The following SYT1 variants were observed in gnomAD, a reference collection of about 807,000 sequenced individuals.
SYT1 encodes the protein synaptotagmin 1, also known as synaptotagmin-1.
A neutral mutation model predicts 44.8 loss-of-function variants in SYT1; 8 were observed. The observed-to-expected ratio is 0.18, with a 90% confidence interval of 0.10 to 0.32. The LOEUF is 0.32. SYT1 is among the 10% of genes least tolerant of loss of function. SYT1 has a pLI of 1.00. For missense variants in SYT1, 286 were observed against 509.3 expected (o/e 0.56, Z 4.22); for synonymous variants, 154 against 188.8 (o/e 0.82, Z 1.51).
At chr12:78,976,768 CAA>C (rs1269008344) in intron 1 of SYT1, 1 of 152,014 alleles carries the variant, frequency 6.6e-6, no homozygotes, top group Non-Finnish European at 1.5e-5. Context: ...TAACAAATGA[CAA>C]ATTTTATAAA....
chr12:78,894,793 C>T (rs755004219), intron 1 of SYT1, among the ~76,000 whole-genome samples: 4 of 151,428 alleles, frequency 2.6e-5, no homozygotes, highest in African/African-American at 4.8e-5. Context: ...TGTTGGTTAA[C>T]GGACACAAAA....
chr12:79,031,510 G>A (rs747281766), intron 2 of SYT1, among the ~76,000 whole-genome samples: 1 of 150,998 alleles, frequency 6.6e-6, no homozygotes, highest in Non-Finnish European at 1.5e-5. Context: ...AAATGCAGGG[G>A]AATTTTATAT....
chr12:78,918,197 C>T (rs898500642), intron 1 of SYT1, among the ~76,000 whole-genome samples: 7 of 152,030 alleles, frequency 4.6e-5, no homozygotes, highest in Admixed American at 4.6e-4. Flanking sequence ...GATAACTTTT[C>T]TATTAAGATT....
intron 1 of SYT1, among the ~76,000 whole-genome samples, chr12:78,891,794 C>T (rs970411095): frequency 6.6e-6 from 1 of 151,836 alleles, no homozygotes; most frequent in Non-Finnish European, 1.5e-5. Flanking sequence ...AGTCTTCCCT[C>T]TACAGCTTCT....
In SYT1 at chr12:79,292,274, A is replaced by C. The variant is rs1478998134; in HGVS notation, c.474+144A>C. On this transcript the variant is annotated intron_variant, in intron 6 of 10. Coordinates refer to ENST00000261205, the MANE Select transcript of SYT1 (RefSeq NM_005639.3). ...AAAGCTATGGATGAAATAATTTCTA[A>C]GAACAGGCAGTCCCCTACTTGCTAA... 3.0e-6 allele frequency: 3 copies of C among 1,010,702 alleles called. No homozygotes were observed. In the African/African-American group the frequency reaches 4.9e-5, roughly 16 times the overall value. 62.6% of individuals were successfully genotyped at this position (1,010,702 alleles called of 1,614,324 possible).
At chr12:79,358,817 C>G (rs1883209938) in intron 9 of SYT1, among the ~76,000 whole-genome samples, 1 of 152,154 alleles carries the variant, frequency 6.6e-6, no homozygotes, top group Non-Finnish European at 1.5e-5. Context: ...GAAATGGAGT[C>G]TTCATGGATT....
At chr12:79,297,040 C>G (rs933119274) in intron 7 of SYT1, among the ~76,000 whole-genome samples, 3 of 152,164 alleles carry the variant, frequency 2.0e-5, no homozygotes, top group Admixed American at 1.3e-4. Flanking sequence ...AAAATCACCA[C>G]GTCCATCAGC....
At chr12:79,023,086 CA>C (rs1219585313) in intron 2 of SYT1, among the ~76,000 whole-genome samples, 2 of 151,608 alleles carry the variant, frequency 1.3e-5, no homozygotes, top group African/African-American at 2.4e-5. Context: ...TTAGTTTGAG[CA>C]AAGGTCTAAA....
chr12:78,963,172 CATATATAT>C (rs532927334), intron 1 of SYT1, among the ~76,000 whole-genome samples: 1 of 150,338 alleles, frequency 6.7e-6, no homozygotes, highest in Non-Finnish European at 1.5e-5. Flanking sequence ...TATTCAATCG[CATATATAT>C]ATATATGACA....
chr12:79,199,453 C>A (rs78138618), intron 3 of SYT1, among the ~76,000 whole-genome samples: 2,072 of 152,220 alleles, frequency 0.014, 40 homozygotes, highest in African/African-American at 0.047. Flanking sequence ...GATTCAGTTA[C>A]AATATGTGCC....
intron 1 of SYT1, among the ~76,000 whole-genome samples, chr12:78,867,898 G>C (rs1332443041): frequency 2.0e-5 from 3 of 151,906 alleles, no homozygotes; most frequent in African/African-American, 7.2e-5. Flanking sequence ...TGCAAGATGA[G>C]CTGGAAGATT....
intron 4 of SYT1, among the ~76,000 whole-genome samples, chr12:79,249,289 A>C (rs1327228482): frequency 6.0e-5 from 9 of 150,954 alleles, no homozygotes; most frequent in Non-Finnish European, 1.5e-5. Flanking sequence ...TATTTTTAGT[A>C]GAGACGGGGT....
chr12:79,149,419 G>T (rs1232028637), intron 3 of SYT1, among the ~76,000 whole-genome samples: 1 of 152,076 alleles, frequency 6.6e-6, no homozygotes, highest in Non-Finnish European at 1.5e-5. Flanking sequence ...TTATTAATCT[G>T]CAAGTTCTAT....
chr12:79,134,162 C>T (rs887983293), intron 3 of SYT1, among the ~76,000 whole-genome samples: 1 of 152,070 alleles, frequency 6.6e-6, no homozygotes, highest in African/African-American at 2.4e-5. Context: ...AGTTTTAAAA[C>T]TATGTTGTGT....
At chr12:79,441,410 G>C (rs187112396) in intron 9 of SYT1, among the ~76,000 whole-genome samples, 27 of 152,146 alleles carry the variant, frequency 1.8e-4, no homozygotes, top group African/African-American at 6.3e-4. Flanking sequence ...CCGTCTCCCT[G>C]GTTCAAGCAA....
intron 1 of SYT1, among the ~76,000 whole-genome samples, chr12:78,915,509 TG>T (rs1161978672): frequency 6.6e-6 from 1 of 152,086 alleles, no homozygotes; most frequent in African/African-American, 2.4e-5. Flanking sequence ...TCTTTCCTGT[TG>T]TCCAAATTTC....
intron 1 of SYT1, among the ~76,000 whole-genome samples, chr12:78,867,489 C>A (rs933322889): frequency 3.3e-5 from 5 of 151,948 alleles, no homozygotes; most frequent in Non-Finnish European, 7.4e-5. Context: ...ATAGGAAATT[C>A]TTACTTTGTT....
intron 3 of SYT1, among the ~76,000 whole-genome samples, chr12:79,190,334 A>G (rs1423628592): frequency 6.6e-6 from 1 of 152,106 alleles, no homozygotes; most frequent in Non-Finnish European, 1.5e-5. Context: ...CAGAAAGCTC[A>G]GCAACTTATT....
At chr12:79,299,664 T>C (rs1880040365) in intron 8 of SYT1, 113 bp downstream of exon 8, 1 of 1,328,966 alleles carries the variant, frequency 7.5e-7, no homozygotes, top group Non-Finnish European at 1.0e-6. Flanking sequence ...CCTCTAGTTG[T>C]TGACAGCTGA....
Sources: allele counts gnomAD v4.1 joint callset (sites outside exome capture counted in the v4.1 genomes callset), GRCh38; gene constraint gnomAD v4.1.1; transcripts MANE v1.5; gene names NCBI Gene and HGNC (gene_info 2026-07-23, HGNC 2026-07-21).